The following CCDC6 variants were observed in gnomAD, a reference collection of about 807,000 sequenced individuals.
CCDC6 encodes coiled-coil domain containing 6, also known as coiled-coil domain-containing protein 6.
CCDC6 carries 20 observed loss-of-function variants against 56.6 expected under a neutral mutation model. The observed-to-expected ratio is 0.35, with a 90% CI of 0.25 to 0.51. The LOEUF (loss-of-function observed/expected upper bound fraction) is 0.51, where lower values mean the gene tolerates loss of function less well. Among genes scored for constraint, CCDC6 ranks in the 20% least tolerant of loss-of-function variants. CCDC6 has a pLI of 0.95. For synonymous variants in CCDC6, 241 were observed against 234.4 expected (o/e 1.03, Z -0.26); for missense variants, 367 against 601.1 (o/e 0.61, Z 4.07).
intron 1 of CCDC6, among the ~76,000 whole-genome samples, chr10:59,879,619 T>C (rs2440909): frequency 0.76 from 115,168 of 151,614 alleles, 43,978 homozygotes; most frequent in East Asian, 0.89. Context: ...TAACCACTAC[T>C]TCTTTACTAA....
In CCDC6 at chr10:59,906,461, G is replaced by T; in HGVS notation, c.-37C>A. On this transcript the variant is annotated 5_prime_UTR_variant, in exon 1 of 9. The change creates a new upstream start codon in the 5' untranslated region. Coordinates refer to ENST00000263102, the MANE Select transcript of CCDC6 (RefSeq NM_005436.5). ...GCTGGGGAAAGGAGGAGGAGCAGCA[G>T]GGAGGCGGCGGCGACGAAGGCCGGG... is the stretch of plus-strand genomic sequence containing the variant. The T allele has an allele frequency of 6.9e-7, 1 of 1,447,650 alleles. No homozygotes were observed. The highest frequency in any genetic ancestry group is 9.0e-7 in the Non-Finnish European group (1 of 1,114,738). 89.7% of individuals were successfully genotyped at this position (1,447,650 alleles called of 1,614,324 possible).
intron 1 of CCDC6, among the ~76,000 whole-genome samples, chr10:59,882,717 T>C (rs915812108): frequency 1.3e-5 from 2 of 151,952 alleles, no homozygotes; most frequent in African/African-American, 2.4e-5. Context: ...TCCCAACAGT[T>C]TGGGAGGCCG....
intron 7 of CCDC6, among the ~76,000 whole-genome samples, chr10:59,797,318 A>C (rs2070529122): frequency 1.3e-5 from 2 of 152,086 alleles, no homozygotes; most frequent in African/African-American, 4.8e-5. Flanking sequence ...ACTACAGTTA[A>C]CAGTACTGTA....
At position 59,839,821 on chromosome 10, in the gene CCDC6, C is replaced by T. The variant is rs557613867; in HGVS notation, c.454-7168G>A. 5.3e-5 allele frequency among the ~76,000 whole-genome samples: 8 copies of T among 152,008 alleles called. No homozygotes were observed. In the South Asian group the frequency reaches 1.7e-3, roughly 32 times the overall value. On this transcript the variant is annotated intron_variant, in intron 2 of 8. Transcript: ENST00000263102. Reference sequence around the variant, plus strand: ...CTCGACGGATGACAGGCATTTGGGTCATTTCTTTTCATTTATTTATTTTGA... The same window carrying T: ...CTCGACGGATGACAGGCATTTGGGTTATTTCTTTTCATTTATTTATTTTGA...
intron 8 of CCDC6, among the ~76,000 whole-genome samples, chr10:59,793,503 G>A (rs2070485796): frequency 1.3e-5 from 2 of 152,192 alleles, no homozygotes; most frequent in South Asian, 4.1e-4. Flanking sequence ...TATGTTTGAG[G>A]CCGGGTGCAG....
intron 1 of CCDC6, among the ~76,000 whole-genome samples, chr10:59,874,141 ACACG>A (rs1003059212): frequency 6.6e-6 from 1 of 151,552 alleles, no homozygotes; most frequent in Non-Finnish European, 1.5e-5. Flanking sequence ...ACACACACAC[ACACG>A]CACACACCCC....
At chr10:59,898,423 T>C (rs946109453) in intron 1 of CCDC6, among the ~76,000 whole-genome samples, 5 of 152,234 alleles carry the variant, frequency 3.3e-5, no homozygotes, top group African/African-American at 1.2e-4. Flanking sequence ...TTGTTACCCT[T>C]AAAGATATTC....
Position 59,793,130 on chromosome 10 carries a change from C to G in CCDC6, c.1231-19G>C, listed in dbSNP as rs773134474. Reference sequence around the variant, plus strand: ...AAGGCCTCTGCAGAGGGGACAGGAACAGCAAGTCAGTCTAGGTACAGGTGG... The same window carrying G: ...AAGGCCTCTGCAGAGGGGACAGGAAGAGCAAGTCAGTCTAGGTACAGGTGG... On this transcript the variant is annotated intron_variant, in intron 8 of 8. Coordinates refer to ENST00000263102, the MANE Select transcript of CCDC6 (RefSeq NM_005436.5). The G allele has an allele frequency of 6.2e-7, 1 of 1,609,512 alleles. No homozygotes were observed. Among genetic ancestry groups the G allele is most frequent in the Non-Finnish European group, 8.5e-7 (1 of 1,176,192 alleles).
At chr10:59,849,267 T>C (rs1429164746) in intron 2 of CCDC6, among the ~76,000 whole-genome samples, 6 of 152,166 alleles carry the variant, frequency 3.9e-5, no homozygotes, top group Non-Finnish European at 8.8e-5. Flanking sequence ...GAGATAAAGA[T>C]ACAATTTTGT....
chr10:59,906,118 T>C lies in CCDC6; in HGVS notation c.303+4A>G. The C allele has an allele frequency of 6.3e-7, 1 of 1,584,068 alleles. No homozygotes were observed. Among genetic ancestry groups the C allele is most frequent in the Non-Finnish European group, 8.6e-7 (1 of 1,162,024 alleles). ...GCTGCGGCGCGTCCCCGGGGGGCAC[T>C]CACGATGGTCACGCTGGCTTTGCGC... On this transcript the variant is annotated splice_donor_region_variant and intron_variant, in intron 1 of 8. Transcript: ENST00000263102.
At chr10:59,879,023 G>A (rs2071308980) in intron 1 of CCDC6, among the ~76,000 whole-genome samples, 1 of 152,162 alleles carries the variant, frequency 6.6e-6, no homozygotes, top group Non-Finnish European at 1.5e-5. Context: ...CTCACTGAGA[G>A]ATCCAACAAT....
intron 1 of CCDC6, among the ~76,000 whole-genome samples, chr10:59,905,146 G>A (rs1348642994): frequency 1.3e-5 from 2 of 152,114 alleles, no homozygotes; most frequent in Non-Finnish European, 2.9e-5. Flanking sequence ...GTGGTGAGCT[G>A]GCAGGGATGA....
At chr10:59,800,086 T>C (rs1028184230) in intron 7 of CCDC6, among the ~76,000 whole-genome samples, 2 of 152,230 alleles carry the variant, frequency 1.3e-5, no homozygotes, top group East Asian at 1.9e-4. Context: ...TATTTTGAAA[T>C]AGTTTACAAT....
chr10:59,894,071 C>T (rs1477725505), intron 1 of CCDC6, among the ~76,000 whole-genome samples: 1 of 152,160 alleles, frequency 6.6e-6, no homozygotes, highest in Non-Finnish European at 1.5e-5. Flanking sequence ...CAATATGTGG[C>T]AACTGTTATC....
intron 3 of CCDC6, among the ~76,000 whole-genome samples, chr10:59,824,642 A>G (rs1281601070): frequency 1.3e-5 from 2 of 152,206 alleles, no homozygotes; most frequent in African/African-American, 2.4e-5. Context: ...CAGGGCAGCC[A>G]ATTACAAATC....
chr10:59,895,401 C>A (rs138321843), intron 1 of CCDC6, among the ~76,000 whole-genome samples: 1 of 152,188 alleles, frequency 6.6e-6, no homozygotes, highest in African/African-American at 2.4e-5. Context: ...GGGCTCAAAT[C>A]CCAGTCCCAT....
At chr10:59,876,091 T>TTTTTTTTTTTC (rs1564754331) in intron 1 of CCDC6, among the ~76,000 whole-genome samples, 3 of 146,276 alleles carry the variant, frequency 2.1e-5, no homozygotes, top group East Asian at 2.0e-4. Flanking sequence ...TTTTTTTTTT[T>TTTTTTTTTTTC]CAGATCGAGT....
At chr10:59,882,607 A>G (rs2071352047) in intron 1 of CCDC6, among the ~76,000 whole-genome samples, 1 of 140,906 alleles carries the variant, frequency 7.1e-6, no homozygotes, top group Non-Finnish European at 1.6e-5. Context: ...AAGGAAAGGA[A>G]AGCCGGCGGG....
chr10:59,847,500 T>C (rs1165015684), intron 2 of CCDC6, among the ~76,000 whole-genome samples: 3 of 152,162 alleles, frequency 2.0e-5, no homozygotes, highest in African/African-American at 7.2e-5. Context: ...GAATCTCCTG[T>C]CACTTGCAAA....
Sources: allele counts gnomAD v4.1 joint callset (sites outside exome capture counted in the v4.1 genomes callset), GRCh38; gene constraint gnomAD v4.1.1; transcripts MANE v1.5; gene names NCBI Gene and HGNC (gene_info 2026-07-23, HGNC 2026-07-21).